The following CLEC5A variants were observed in gnomAD, a reference collection of about 807,000 sequenced individuals.
CLEC5A encodes the protein C-type lectin domain containing 5A, also known as C-type lectin domain family 5 member A.
In CLEC5A, 15 loss-of-function variants were observed where a neutral mutation model predicts 24.4. That is an observed-to-expected ratio of 0.62 (90% CI 0.41 to 0.95). CLEC5A has a LOEUF of 0.95. Among genes scored for constraint, CLEC5A ranks in the 40% least tolerant of loss-of-function variants. CLEC5A has a pLI of 0.00. For missense variants in CLEC5A, 211 were observed against 224.0 expected, an observed-to-expected ratio of 0.94 and a Z score of 0.37; for synonymous variants, 71 against 72.6, an observed-to-expected ratio of 0.98 and a Z score of 0.11.
chr7:141,932,856 A>C (rs1802505599), intron 5 of CLEC5A, among the ~76,000 whole-genome samples: 1 of 152,206 alleles, frequency 6.6e-6, no homozygotes, highest in African/African-American at 2.4e-5. Context: ...GCAGAGACCA[A>C]TGCCCTGAAA....
intron 2 of CLEC5A, 184 bp downstream of exon 2, chr7:141,946,030 G>A: frequency 1.6e-6 from 1 of 614,250 alleles, no homozygotes; most frequent in South Asian, 2.1e-5. Context: ...AGACCAAGGA[G>A]CCTGGGCCAC....
chr7:141,941,763 G>A (rs1325511430), intron 4 of CLEC5A, among the ~76,000 whole-genome samples: 2 of 151,830 alleles, frequency 1.3e-5, no homozygotes, highest in Admixed American at 6.6e-5. Flanking sequence ...ACAAAAATTA[G>A]TAGCATTTCT....
intron 3 of CLEC5A, 107 bp downstream of exon 3, chr7:141,945,234 T>A: frequency 1.2e-6 from 1 of 845,856 alleles, no homozygotes; most frequent in Non-Finnish European, 2.1e-6. Flanking sequence ...TATGGACCCT[T>A]TGTACAAAAG....
At chr7:141,935,592 C>T (rs545293390) in intron 5 of CLEC5A, among the ~76,000 whole-genome samples, 4 of 152,302 alleles carry the variant, frequency 2.6e-5, no homozygotes, top group African/African-American at 9.6e-5. Flanking sequence ...CCACAAGGTG[C>T]GAATTTCTGT....
At chr7:141,935,983 T>C in intron 4 of CLEC5A, 33 bp from the exon 5 acceptor site, 1 of 1,602,384 alleles carries the variant, frequency 6.2e-7, no homozygotes, top group Non-Finnish European at 8.5e-7. Flanking sequence ...AGTACGAGTT[T>C]ACTGGTTTGG....
chr7:141,946,070 G>T, intron 2 of CLEC5A, 144 bp downstream of exon 2: 1 of 788,796 alleles, frequency 1.3e-6, no homozygotes, highest in Non-Finnish European at 2.0e-6. Flanking sequence ...GAAAGGCATT[G>T]CCAATTGACC....
intron 4 of CLEC5A, 161 bp from the exon 5 acceptor site, chr7:141,936,111 G>A: frequency 1.5e-6 from 1 of 648,778 alleles, no homozygotes; most frequent in East Asian, 2.8e-5. Context: ...GTCTAGTCTG[G>A]TTCCTTGACA....
intron 5 of CLEC5A, 118 bp downstream of exon 5, chr7:141,935,696 C>G (rs1554440968): frequency 1.1e-6 from 1 of 890,272 alleles, no homozygotes; most frequent in African/African-American, 1.7e-5. Context: ...GTTTTTCAGC[C>G]AGCCACCTCT....
Position 141,929,758 on chromosome 7 carries a change from A to G in CLEC5A, c.*346T>C. 1 of 168,884 alleles carries G rather than the reference A, an allele frequency of 5.9e-6. No individual in the cohort carries two copies. The highest frequency in any genetic ancestry group is 1.3e-5 in the Non-Finnish European group (1 of 79,104). The allele number at this position is 168,884 out of a possible 1,614,324, so 10.5% of individuals were successfully genotyped here. A position where few individuals can be genotyped will look rare whatever the true frequency, so the allele number is the denominator to read the frequency against. On this transcript the variant is annotated 3_prime_UTR_variant, in exon 7 of 7. Transcript: ENST00000546910. ...CCATGGTAATCCCTAAATAATGTTTATAATTTCTCACTCTACAGTTACTCC... is the reference window on the plus strand; with the variant it reads ...CCATGGTAATCCCTAAATAATGTTTGTAATTTCTCACTCTACAGTTACTCC...
At chr7:141,939,523 A>T (rs1452930781) in intron 4 of CLEC5A, among the ~76,000 whole-genome samples, 1 of 152,136 alleles carries the variant, frequency 6.6e-6, no homozygotes, top group African/African-American at 2.4e-5. Context: ...GAAAGAAGGA[A>T]GAGAAGATCA....
intron 4 of CLEC5A, among the ~76,000 whole-genome samples, chr7:141,937,547 C>A (rs529234012): frequency 6.6e-6 from 1 of 152,284 alleles, no homozygotes; most frequent in East Asian, 1.9e-4. Flanking sequence ...TTTTTGACTC[C>A]AGTCCCTGGT....
intron 5 of CLEC5A, among the ~76,000 whole-genome samples, chr7:141,934,051 C>T (rs73740211): frequency 0.019 from 2,903 of 152,308 alleles, 88 homozygotes; most frequent in African/African-American, 0.066. Flanking sequence ...CCCACCCACT[C>T]CCCTAGGACC....
intron 5 of CLEC5A, 36 bp from the exon 6 acceptor site, chr7:141,931,862 T>G: frequency 1.1e-6 from 1 of 918,796 alleles, no homozygotes; most frequent in Non-Finnish European, 1.7e-6. Flanking sequence ...AGTGAGTCTT[T>G]TAATGATGCC....
chr7:141,946,435 T>C, intron 1 of CLEC5A, 123 bp from the exon 2 acceptor site: 2 of 821,868 alleles, frequency 2.4e-6, no homozygotes, highest in Non-Finnish European at 3.8e-6. Flanking sequence ...AGGCATGACA[T>C]TGACAGGTAC....
intron 4 of CLEC5A, among the ~76,000 whole-genome samples, chr7:141,942,537 C>G (rs782428536): frequency 7.2e-5 from 11 of 152,022 alleles, no homozygotes; most frequent in Admixed American, 7.2e-4. Context: ...GAGTAATATC[C>G]CACAAGCACA....
chr7:141,945,751 A>T, intron 2 of CLEC5A: 1 of 360,974 alleles, frequency 2.8e-6, no homozygotes, highest in Non-Finnish European at 5.1e-6. Context: ...ATCCTTTCAT[A>T]GGAGGCTTCT....
chr7:141,930,564 T>C (rs781897580), intron 6 of CLEC5A, among the ~76,000 whole-genome samples: 4 of 152,094 alleles, frequency 2.6e-5, no homozygotes, highest in Non-Finnish European at 5.9e-5. Flanking sequence ...AAAAGTACTG[T>C]TTAGGATAGC....
intron 1 of CLEC5A, among the ~76,000 whole-genome samples, 173 bp downstream of exon 1, chr7:141,946,634 A>G (rs2293461): frequency 0.23 from 35,595 of 151,972 alleles, 4,943 homozygotes; most frequent in East Asian, 0.45. Flanking sequence ...CTTATCCTTG[A>G]AATGACCCTT....
Position 141,946,248 on chromosome 7 carries a change from A to G in CLEC5A, c.45T>C (p.Leu15=). Reference sequence around the variant, plus strand: ...GAAATAAGGTCATTCCAACAACTTTAAGCACTACCACAATAAGCCCAGAGA... The same window carrying G: ...GAAATAAGGTCATTCCAACAACTTTGAGCACTACCACAATAAGCCCAGAGA... The part of the protein sequence containing the change: ...MIISGLIVVV[L]KVVGMTLFLL... The change falls in exon 2 of 7, where the codon CTT becomes CTC. Residue 15 remains leucine (L), a synonymous_variant. Coordinates refer to ENST00000546910, the MANE Select transcript of CLEC5A (RefSeq NM_013252.3). 1.3e-6 allele frequency: 2 copies of G among 1,572,124 alleles called. No homozygotes were observed. Among genetic ancestry groups the G allele is most frequent in the Non-Finnish European group, 1.7e-6 (2 of 1,157,376 alleles).
Sources: gnomAD v4.1 joint callset for allele counts (sites outside exome capture counted in the v4.1 genomes callset) on GRCh38, gnomAD v4.1.1 for gene constraint, MANE v1.5 for transcripts, NCBI Gene and HGNC (gene_info 2026-07-23, HGNC 2026-07-21) for gene names.